FNDC7: variants seen among roughly 807,000 people sequenced by gnomAD.
The protein encoded by FNDC7 is fibronectin type III domain containing 7.
Under a neutral mutation model 74.2 loss-of-function variants are expected in FNDC7, and 66 were observed. The observed-to-expected ratio is 0.89, with a 90% CI of 0.73 to 1.09. FNDC7 has a LOEUF of 1.09. FNDC7 is among the 50% of genes least tolerant of loss of function. The pLI is 0.00. For synonymous variants in FNDC7, 307 were observed against 330.2 expected, an observed-to-expected ratio of 0.93 and a Z score of 0.76; for missense variants, 829 against 893.4, an observed-to-expected ratio of 0.93 and a Z score of 0.92.
chr1:108,715,109 T>C (rs1007091385), intron 2 of FNDC7, among the ~76,000 whole-genome samples: 4 of 152,158 alleles, frequency 2.6e-5, no homozygotes, highest in African/African-American at 9.7e-5. Flanking sequence ...TTTCAACAGA[T>C]AGAATGTGTT....
chr1:108,713,162 C>T (rs1250615566), intron 1 of FNDC7, among the ~76,000 whole-genome samples, 166 bp downstream of exon 1: 1 of 151,866 alleles, frequency 6.6e-6, no homozygotes, highest in Non-Finnish European at 1.5e-5. Context: ...AATTTAATGC[C>T]ATATACTAGA....
At chr1:108,718,076 C>G in intron 3 of FNDC7, 45 bp downstream of exon 3, 1 of 1,542,072 alleles carries the variant, frequency 6.5e-7, no homozygotes, top group South Asian at 1.2e-5. Context: ...TTGCTTGTGA[C>G]TTGGATCAGT....
chr1:108,715,417 GC>G (rs1660950766), intron 2 of FNDC7, among the ~76,000 whole-genome samples: 1 of 152,196 alleles, frequency 6.6e-6, no homozygotes. Flanking sequence ...TTACACTCCA[GC>G]TTCTCATCTA....
intron 7 of FNDC7, 119 bp downstream of exon 7, chr1:108,728,184 TGGAG>T: frequency 7.7e-7 from 1 of 1,290,650 alleles, no homozygotes; most frequent in Non-Finnish European, 1.1e-6. Context: ...TCAATCTTTG[TGGAG>T]ACCAAGAGAG....
At chr1:108,725,657 C>G in intron 5 of FNDC7, 93 bp from the exon 6 acceptor site, 1 of 1,367,738 alleles carries the variant, frequency 7.3e-7, no homozygotes, top group Non-Finnish European at 1.0e-6. Flanking sequence ...CTCAGAGTTG[C>G]TAATTTGGGT....
rs1383333319 is a variant in FNDC7 at position 108,717,930 on chromosome 1, C to T, written c.236C>T (p.Thr79Ile). 1 of 1,551,750 alleles carries T rather than the reference C, an allele frequency of 6.4e-7. No homozygotes were observed. The part of the protein sequence containing the change: ...IETTVANSPG[T>I]VTGLKAATWY... Reference sequence around the variant, plus strand: ...ACCACGGTGGCCAATTCCCCAGGCACTGTGACGGGACTAAAGGCTGCAACC... The same window carrying T: ...ACCACGGTGGCCAATTCCCCAGGCATTGTGACGGGACTAAAGGCTGCAACC... The change falls in exon 3 of 13, where the codon ACT (threonine) becomes ATT (isoleucine). Residue 79 changes from threonine to isoleucine, a missense_variant. By Grantham distance (89) the Thr-to-Ile change is moderately conservative (BLOSUM62 -1). Coordinates refer to ENST00000370017, the MANE Select transcript of FNDC7 (RefSeq NM_001144937.3).
chr1:108,728,004 G>A lies in FNDC7; in HGVS notation c.1308G>A (p.Val436=). The A allele has an allele frequency of 3.1e-6, 5 of 1,614,114 alleles. No homozygotes were observed. Among genetic ancestry groups the A allele is most frequent in the Non-Finnish European group, 4.2e-6 (5 of 1,180,018 alleles). Residue 436 remains valine, a synonymous_variant, in exon 7 of 13, where the codon GTG becomes GTA. Coordinates refer to ENST00000370017, the MANE Select transcript of FNDC7 (RefSeq NM_001144937.3). ...LECDTKYNIT[V]YSFNEVRGSN... ...GTGACACCAAGTACAACATCACAGTGTATTCATTCAATGAAGTCCGAGGCA... is the reference window on the plus strand; with the variant it reads ...GTGACACCAAGTACAACATCACAGTATATTCATTCAATGAAGTCCGAGGCA...
At chr1:108,737,416 CTTTCT>C (rs1394456031) in intron 10 of FNDC7, 74 bp from the exon 11 acceptor site, 3 of 1,322,998 alleles carry the variant, frequency 2.3e-6, no homozygotes, top group African/African-American at 3.1e-5. Context: ...TCCTTTTATT[CTTTCT>C]TAAGTTAAAT....
chr1:108,720,374 G>T (rs1292958994), intron 4 of FNDC7, among the ~76,000 whole-genome samples: 1 of 152,204 alleles, frequency 6.6e-6, no homozygotes, highest in African/African-American at 2.4e-5. Context: ...CAGTGCTTTG[G>T]CAGAAGGCTG....
intron 2 of FNDC7, among the ~76,000 whole-genome samples, chr1:108,716,980 G>C (rs1031580974): frequency 2.0e-5 from 3 of 152,082 alleles, no homozygotes; most frequent in Non-Finnish European, 4.4e-5. Flanking sequence ...TCTGATTACT[G>C]TGCTGTATCT....
chr1:108,714,864 A>G (rs570802597), intron 2 of FNDC7, among the ~76,000 whole-genome samples: 1 of 152,126 alleles, frequency 6.6e-6, no homozygotes, highest in South Asian at 2.1e-4. Flanking sequence ...AAGTGCTGGG[A>G]TTACAAGCGT....
At chr1:108,716,732 T>C (rs1426570571) in intron 2 of FNDC7, among the ~76,000 whole-genome samples, 2 of 152,020 alleles carry the variant, frequency 1.3e-5, no homozygotes, top group African/African-American at 4.8e-5. Context: ...TGCTGGAGAA[T>C]CACCTGTCTG....
chr1:108,732,935 ATTTTTT>A (rs370493264), intron 9 of FNDC7, among the ~76,000 whole-genome samples: 4 of 134,876 alleles, frequency 3.0e-5, no homozygotes, highest in African/African-American at 1.1e-4. Flanking sequence ...CAACTGGCTA[ATTTTTT>A]TTTTTTTTTT....
chr1:108,718,040 A>T lies in FNDC7; in HGVS notation c.337+9A>T. On this transcript the variant is annotated intron_variant, in intron 3 of 12. Transcript: ENST00000370017. The stretch of plus-strand genomic sequence containing the variant: ...AAAGCAGGCAAAGACAGGTGGCTGG[A>T]TGGATGCTCATCCTCCGTTGAGTGT... 1 of 1,550,856 alleles carries T rather than the reference A, an allele frequency of 6.4e-7. No individual in the cohort carries two copies. The highest frequency in any genetic ancestry group is 8.7e-7 in the Non-Finnish European group (1 of 1,146,234).
intron 6 of FNDC7, among the ~76,000 whole-genome samples, chr1:108,726,283 G>A (rs1347200332): frequency 6.6e-6 from 1 of 152,230 alleles, no homozygotes; most frequent in Non-Finnish European, 1.5e-5. Context: ...GATGTACTCA[G>A]TGAGTGTTCT....
chr1:108,724,215 A>G (rs891012472), intron 5 of FNDC7, among the ~76,000 whole-genome samples: 43 of 152,196 alleles, frequency 2.8e-4, no homozygotes, highest in African/African-American at 9.7e-4. Flanking sequence ...TAACACAGAG[A>G]AACAGTCAAT....
chr1:108,735,197 A>G (rs1661481587), intron 10 of FNDC7, among the ~76,000 whole-genome samples: 1 of 152,108 alleles, frequency 6.6e-6, no homozygotes, highest in African/African-American at 2.4e-5. Flanking sequence ...CGTCCTGGTC[A>G]CCTTCATGAT....
At chr1:108,717,633 C>G in intron 2 of FNDC7, 144 bp from the exon 3 acceptor site, 1 of 827,318 alleles carries the variant, frequency 1.2e-6, no homozygotes, top group East Asian at 2.7e-5. Context: ...TTCTTTTTCT[C>G]TGTTTTTCCT....
At chr1:108,717,332 G>C (rs1439589078) in intron 2 of FNDC7, among the ~76,000 whole-genome samples, 2 of 152,214 alleles carry the variant, frequency 1.3e-5, no homozygotes, top group Admixed American at 6.5e-5. Flanking sequence ...GATGGGTCCA[G>C]CTGGAGGCAG....
Sources: allele counts gnomAD v4.1 joint callset (sites outside exome capture counted in the v4.1 genomes callset), GRCh38; gene constraint gnomAD v4.1.1; transcripts MANE v1.5; gene names NCBI Gene and HGNC (gene_info 2026-07-23, HGNC 2026-07-21).